The following TMCO4 variants were observed in gnomAD, a reference collection of about 807,000 sequenced individuals.
TMCO4 encodes the protein transmembrane and coiled-coil domains 4.
In TMCO4, 58 loss-of-function variants were observed where a neutral mutation model predicts 64.7. That is an observed-to-expected ratio of 0.90 (90% CI 0.73 to 1.12). TMCO4 has a LOEUF of 1.12. Among genes scored for constraint, TMCO4 ranks in the 50% most tolerant of loss-of-function variants. TMCO4 has a pLI of 0.00. For synonymous variants in TMCO4, 325 were observed against 346.1 expected (o/e 0.94, Z 0.68); for missense variants, 780 against 825.9 (o/e 0.94, Z 0.68).
At position 19,732,694 on chromosome 1, in the gene TMCO4, C is replaced by T. The variant is rs1190100673; in HGVS notation, c.1264+4678G>A. Among the ~76,000 whole-genome samples the T allele has an allele frequency of 6.6e-6, 1 of 151,388 alleles. No homozygotes were observed. The highest frequency in any genetic ancestry group is 1.5e-5 in the Non-Finnish European group (1 of 67,770). On this transcript the variant is annotated intron_variant, in intron 13 of 15. Coordinates refer to ENST00000294543, the MANE Select transcript of TMCO4 (RefSeq NM_181719.7). This position sits in a 1 kb window ranked among gnomAD's most constrained non-coding sequence, Gnocchi z 4.8. ...TTGCTTGAGACCAGGAGTTCGAGAC[C>T]AGCCTCGGCAACACAGGGAGACCCT...
intron 13 of TMCO4, among the ~76,000 whole-genome samples, chr1:19,707,365 G>A (rs930481479): frequency 6.6e-6 from 1 of 152,214 alleles, no homozygotes; most frequent in African/African-American, 2.4e-5. Flanking sequence ...GCTCACACCT[G>A]TATTCCCAGT....
At chr1:19,693,909 G>A (rs899982319) in intron 15 of TMCO4, among the ~76,000 whole-genome samples, 3 of 152,168 alleles carry the variant, frequency 2.0e-5, no homozygotes, top group Admixed American at 6.5e-5. Flanking sequence ...GGGGACTCGG[G>A]AGTGGGGAAC....
rs1416243542 is a variant in TMCO4, at chr1:19,700,791, C to G, written c.1359G>C (p.Gly453=). 1.2e-6 allele frequency: 2 copies of G among 1,614,206 alleles called. No homozygotes were observed. Among genetic ancestry groups the G allele is most frequent in the Non-Finnish European group, 1.7e-6 (2 of 1,180,016 alleles). The change falls in exon 14 of 16, where the codon GGG becomes GGC. Residue 453 remains glycine, a synonymous_variant. Coordinates refer to ENST00000294543, the MANE Select transcript of TMCO4 (RefSeq NM_181719.7). ...ACCTGCAGTAGCCGTTGATGATCCT[C>G]CCGGACACCACCTTCCGGAAAGGCT... is the stretch of plus-strand genomic sequence containing the variant. ...HWEPFRKVVS[G]RIINGYCRGD...
chr1:19,741,546 CG>C (rs2095479088), intron 10 of TMCO4, among the ~76,000 whole-genome samples: 1 of 152,050 alleles, frequency 6.6e-6, no homozygotes, highest in Non-Finnish European at 1.5e-5. Context: ...AAATGACCCA[CG>C]GAAGGAGGAT....
rs775392007 is a variant in TMCO4, at chr1:19,788,793, C to T, written c.-100-1676G>A. Among the ~76,000 whole-genome samples, 6 of 152,236 alleles carry T rather than the reference C, an allele frequency of 3.9e-5. 1 individual carries two copies. The highest frequency in any genetic ancestry group is 9.6e-5 in the African/African-American group (4 of 41,548). On this transcript the variant is annotated intron_variant, in intron 2 of 15. Coordinates refer to ENST00000294543, the MANE Select transcript of TMCO4 (RefSeq NM_181719.7). ...CTAGTTATGTTTTTAAAACATGTTTCGGCTGGGTGTGGTAGCTCATGCCTG... is the reference window on the plus strand; with the variant it reads ...CTAGTTATGTTTTTAAAACATGTTTTGGCTGGGTGTGGTAGCTCATGCCTG...
intron 6 of TMCO4, among the ~76,000 whole-genome samples, chr1:19,763,839 G>C (rs1199393305): frequency 1.3e-5 from 2 of 152,292 alleles, no homozygotes; most frequent in Non-Finnish European, 1.5e-5. Context: ...CTGAGCACTG[G>C]GTTGAAGCCC....
intron 3 of TMCO4, among the ~76,000 whole-genome samples, chr1:19,782,156 C>A (rs747422618): frequency 1.8e-4 from 27 of 152,174 alleles, no homozygotes; most frequent in Non-Finnish European, 3.2e-4. Context: ...TGGCAACAAC[C>A]CACACGTCTA....
chr1:19,700,668 G>T, intron 14 of TMCO4, 100 bp downstream of exon 14: 1 of 1,102,306 alleles, frequency 9.1e-7, no homozygotes, highest in Non-Finnish European at 1.3e-6. Context: ...TTCCAGGACA[G>T]GGATTAGGTC....
At chr1:19,763,986 G>A (rs2042620366) in intron 6 of TMCO4, among the ~76,000 whole-genome samples, 1 of 152,212 alleles carries the variant, frequency 6.6e-6, no homozygotes, top group South Asian at 2.1e-4. Flanking sequence ...GGGCATTAAG[G>A]CAGTGACAAG....
At chr1:19,741,737 TC>T (rs1227596246) in intron 10 of TMCO4, among the ~76,000 whole-genome samples, 7 of 132,870 alleles carry the variant, frequency 5.3e-5, no homozygotes, top group South Asian at 2.2e-4. Flanking sequence ...TTTCTTTCTT[TC>T]TTTCTTTTTT....
chr1:19,746,544 A>G lies in TMCO4; in HGVS notation c.669T>C (p.Ile223=). ...PLVAAGAATI[I]GSAGAAALGS... ...CCAGAGCCGCTGCCCCGGCGCTGCCAATAATCGTCGCTGCTCCAGCGGCAA... is the reference window on the plus strand; with the variant it reads ...CCAGAGCCGCTGCCCCGGCGCTGCCGATAATCGTCGCTGCTCCAGCGGCAA... Residue 223 remains isoleucine, a synonymous_variant, in exon 9 of 16, where the codon ATT becomes ATC. Coordinates refer to ENST00000294543, the MANE Select transcript of TMCO4 (RefSeq NM_181719.7). 6.2e-7 allele frequency: 1 copy of G among 1,611,810 alleles called. No individual in the cohort carries two copies. Among genetic ancestry groups the G allele is most frequent in the Non-Finnish European group, 8.5e-7 (1 of 1,179,044 alleles).
intron 14 of TMCO4, among the ~76,000 whole-genome samples, chr1:19,698,382 G>A (rs1398363654): frequency 2.0e-5 from 3 of 152,196 alleles, no homozygotes; most frequent in African/African-American, 7.2e-5. Flanking sequence ...GGGTCCCTGG[G>A]CAAGTCACTT....
intron 2 of TMCO4, among the ~76,000 whole-genome samples, chr1:19,797,631 G>A (rs2044372400): frequency 6.6e-6 from 1 of 152,126 alleles, no homozygotes; most frequent in Admixed American, 6.5e-5. Context: ...AGTACTTTGG[G>A]AGGCTGAGGC....
chr1:19,792,945 A>T (rs1420207738), intron 2 of TMCO4, among the ~76,000 whole-genome samples: 1 of 151,912 alleles, frequency 6.6e-6, no homozygotes, highest in African/African-American at 2.4e-5. Context: ...CAAGTTTTGT[A>T]TCTTTAGTAG....
chr1:19,683,007 A>C lies in TMCO4; in HGVS notation c.*33T>G. 3 of 1,530,706 alleles carry C rather than the reference A, an allele frequency of 2.0e-6. No homozygotes were observed. The highest frequency in any genetic ancestry group is 2.6e-6 in the Non-Finnish European group (3 of 1,142,876). 94.8% of individuals were successfully genotyped at this position (1,530,706 alleles called of 1,614,324 possible). ...GTATAAGAGAGAGCTGCATATGGAG[A>C]CTGGGGAAGACGGCTCAGGTCCCCT... On this transcript the variant is annotated 3_prime_UTR_variant, in exon 16 of 16. Coordinates refer to ENST00000294543, the MANE Select transcript of TMCO4 (RefSeq NM_181719.7).
At position 19,759,330 on chromosome 1, in the gene TMCO4, G is replaced by A. The variant is rs117868281; in HGVS notation, c.383-3564C>T. ...CTCTCCAACCACCAGCCGCCTCACT[G>A]CTCTCATCTTTCACTCTTGCCTCTG... is the stretch of plus-strand genomic sequence containing the variant. On this transcript the variant is annotated intron_variant, in intron 6 of 15. Coordinates refer to ENST00000294543, the MANE Select transcript of TMCO4 (RefSeq NM_181719.7). 2.9e-4 allele frequency among the ~76,000 whole-genome samples: 44 copies of A among 152,094 alleles called. No individual in the cohort carries two copies. The East Asian group carries it at 8.1e-3, about 28-fold the overall frequency.
chr1:19,713,761 G>A (rs968261560), intron 13 of TMCO4, among the ~76,000 whole-genome samples: 11 of 152,036 alleles, frequency 7.2e-5, no homozygotes, highest in African/African-American at 2.4e-4. Flanking sequence ...TCCTTGAAGC[G>A]CAGAGATTCA....
chr1:19,706,635 G>A (rs551565818), intron 13 of TMCO4, among the ~76,000 whole-genome samples: 3 of 152,196 alleles, frequency 2.0e-5, no homozygotes, highest in Non-Finnish European at 2.9e-5. Flanking sequence ...TACTGTGAGA[G>A]CTGAAGGCCT....
intron 7 of TMCO4, among the ~76,000 whole-genome samples, chr1:19,750,612 T>C (rs2041985713): frequency 6.6e-6 from 1 of 152,224 alleles, no homozygotes; most frequent in African/African-American, 2.4e-5. Context: ...TTCAGGACAC[T>C]GTCATCTCTC....
Sources: allele counts gnomAD v4.1 joint callset (sites outside exome capture counted in the v4.1 genomes callset), GRCh38; gene constraint gnomAD v4.1.1; non-coding constraint Gnocchi (gnomAD v3.1); transcripts MANE v1.5; gene names NCBI Gene and HGNC (gene_info 2026-07-23, HGNC 2026-07-21).